The following UGGT2 variants were observed in gnomAD, a reference collection of about 807,000 sequenced individuals.
The protein encoded by UGGT2 is UDP-glucose glycoprotein glucosyltransferase 2.
UGGT2 carries 180 observed loss-of-function variants against 192.1 expected under a neutral mutation model. The observed-to-expected ratio is 0.94, with a 90% CI of 0.83 to 1.06. UGGT2 has a LOEUF of 1.06. Ranked by LOEUF, UGGT2 falls within the 50% of genes least tolerant of loss-of-function variation. UGGT2 has a pLI of 0.00. For missense variants in UGGT2, 1,849 were observed against 1,795.7 expected (o/e 1.03, Z -0.54); for synonymous variants, 580 against 591.0 (o/e 0.98, Z 0.27).
chr13:95,860,759 C>A, intron 32 of UGGT2, 29 bp downstream of exon 32: 2 of 1,322,406 alleles, frequency 1.5e-6, no homozygotes, highest in South Asian at 1.9e-5. Flanking sequence ...ATTTCTTTTT[C>A]AAAATATAAG....
At position 95,801,609 on chromosome 13, in the gene UGGT2, T is replaced by A; in HGVS notation, c.*181A>T. On this transcript the variant is annotated 3_prime_UTR_variant, in exon 39 of 39. Coordinates refer to ENST00000376747, the MANE Select transcript of UGGT2 (RefSeq NM_020121.4). ...AAATACTCAATGGTCATTTATTATATAACTTAAACTCATTCAATACATTAA... is the reference window on the plus strand; with the variant it reads ...AAATACTCAATGGTCATTTATTATAAAACTTAAACTCATTCAATACATTAA... 1.9e-6 allele frequency: 1 copy of A among 538,024 alleles called. No individual in the cohort carries two copies. Among genetic ancestry groups the A allele is most frequent in the Non-Finnish European group, 3.2e-6 (1 of 316,396 alleles). 33.3% of individuals were successfully genotyped at this position (538,024 alleles called of 1,614,324 possible).
Position 96,005,800 on chromosome 13 carries a change from C to T in UGGT2, c.661-6493G>A, listed in dbSNP as rs555737175. Among the ~76,000 whole-genome samples the T allele has an allele frequency of 1.4e-4, 22 of 152,258 alleles. No homozygotes were observed. In the East Asian group the frequency reaches 2.5e-3, roughly 17 times the overall value. On this transcript the variant is annotated intron_variant, in intron 5 of 38. Transcript: ENST00000376747. Reference sequence around the variant, plus strand: ...TCTAACAAGGGTTGAGTAAAGATAACGCTGAAATACAGGTGGGAAAGCTAT... The same window carrying T: ...TCTAACAAGGGTTGAGTAAAGATAATGCTGAAATACAGGTGGGAAAGCTAT...
chr13:95,856,489 T>C, intron 33 of UGGT2, 149 bp from the exon 34 acceptor site: 1 of 677,292 alleles, frequency 1.5e-6, no homozygotes, highest in South Asian at 2.2e-5. Context: ...ATAACATACT[T>C]ATTAATGAGA....
chr13:95,809,791 AC>A (rs1477497709), intron 38 of UGGT2, among the ~76,000 whole-genome samples: 22 of 152,108 alleles, frequency 1.4e-4, no homozygotes, highest in Admixed American at 1.3e-3. Context: ...AAATTATCAA[AC>A]CATCCTTTGC....
At chr13:95,836,767 C>T (rs901575673) in intron 37 of UGGT2, among the ~76,000 whole-genome samples, 1 of 152,146 alleles carries the variant, frequency 6.6e-6, no homozygotes. Flanking sequence ...GAATCTTGCA[C>T]CTGATTTTCT....
chr13:96,001,106 G>A (rs1282628275), intron 5 of UGGT2, among the ~76,000 whole-genome samples: 1 of 152,100 alleles, frequency 6.6e-6, no homozygotes, highest in Non-Finnish European at 1.5e-5. Context: ...TCAGGCCTCT[G>A]AGCCCAAACC....
At chr13:95,816,479 C>T (rs886116190) in intron 38 of UGGT2, among the ~76,000 whole-genome samples, 2 of 152,064 alleles carry the variant, frequency 1.3e-5, no homozygotes, top group Non-Finnish European at 2.9e-5. Flanking sequence ...TAGCCCCAAA[C>T]TGGAAATAAC....
chr13:95,992,161 T>A (rs1181458899), intron 7 of UGGT2, among the ~76,000 whole-genome samples: 1 of 151,974 alleles, frequency 6.6e-6, no homozygotes, highest in Admixed American at 6.6e-5. Flanking sequence ...AGAGCTAGAC[T>A]CCGTCTCAAA....
chr13:95,949,668 CA>C (rs1414422484), intron 12 of UGGT2, among the ~76,000 whole-genome samples: 2 of 152,132 alleles, frequency 1.3e-5, no homozygotes, highest in Non-Finnish European at 2.9e-5. Flanking sequence ...AGCCTTCTCT[CA>C]AAAACAATTC....
chr13:95,961,959 T>C (rs765563974), intron 12 of UGGT2, among the ~76,000 whole-genome samples: 1 of 151,888 alleles, frequency 6.6e-6, no homozygotes, highest in African/African-American at 2.4e-5. Context: ...TACAAACACA[T>C]GGAAATTAAA....
intron 8 of UGGT2, among the ~76,000 whole-genome samples, chr13:95,987,835 G>A (rs949793667): frequency 6.6e-6 from 1 of 151,990 alleles, no homozygotes; most frequent in African/African-American, 2.4e-5. Flanking sequence ...TACTTTGTTT[G>A]CCCCCCGCAT....
chr13:95,808,191 G>A (rs1314164517), intron 38 of UGGT2, among the ~76,000 whole-genome samples: 1 of 152,182 alleles, frequency 6.6e-6, no homozygotes, highest in Non-Finnish European at 1.5e-5. Flanking sequence ...CCAATGCAGA[G>A]AAAGGGTTCT....
chr13:95,899,894 C>T (rs374994749), intron 22 of UGGT2, among the ~76,000 whole-genome samples: 1 of 151,908 alleles, frequency 6.6e-6, no homozygotes, highest in Non-Finnish European at 1.5e-5. Context: ...TGCAGGTGAA[C>T]AGAATTCAAA....
intron 1 of UGGT2, among the ~76,000 whole-genome samples, chr13:96,048,720 A>T (rs2053394468): frequency 6.6e-6 from 1 of 152,226 alleles, no homozygotes; most frequent in Non-Finnish European, 1.5e-5. Context: ...CTACGCAAAT[A>T]AACTAGAAAA....
In UGGT2 at chr13:95,998,284, C is replaced by CT. The variant is rs1566809557; in HGVS notation, c.757+926dup. On this transcript the variant is annotated intron_variant, in intron 6 of 38. Transcript: ENST00000376747. ...TTAAAGCTAAAAATGCCTTAAATTG[C>CT]TATCGTGACTACAAGAGAGTAAATT... Among the ~76,000 whole-genome samples, 5 of 152,154 alleles carry CT rather than the reference C, an allele frequency of 3.3e-5. No homozygotes were observed. In the South Asian group the frequency reaches 1.0e-3, roughly 32 times the overall value.
intron 1 of UGGT2, among the ~76,000 whole-genome samples, chr13:96,045,811 A>G (rs766591139): frequency 6.6e-6 from 1 of 152,206 alleles, no homozygotes; most frequent in Admixed American, 6.5e-5. Context: ...GGAAAACTAC[A>G]AAACACTGCT....
chr13:95,877,999 T>TTCAC, intron 27 of UGGT2, 143 bp from the exon 28 acceptor site: 1 of 817,786 alleles, frequency 1.2e-6, no homozygotes, highest in Non-Finnish European at 1.8e-6. Flanking sequence ...CATGAGTGAA[T>TTCAC]TCATGAGTTG....
intron 29 of UGGT2, among the ~76,000 whole-genome samples, chr13:95,869,444 A>T (rs774562569): frequency 6.6e-6 from 1 of 152,154 alleles, no homozygotes; most frequent in Non-Finnish European, 1.5e-5. Flanking sequence ...CTAGTTCTAG[A>T]TCCCTCAGGA....
chr13:95,813,880 C>A (rs1884690426), intron 38 of UGGT2, among the ~76,000 whole-genome samples: 1 of 152,200 alleles, frequency 6.6e-6, no homozygotes, highest in African/African-American at 2.4e-5. Context: ...CTGGCTCCAG[C>A]ATCGGCTAAA....
Sources: allele counts gnomAD v4.1 joint callset (sites outside exome capture counted in the v4.1 genomes callset), GRCh38; gene constraint gnomAD v4.1.1; transcripts MANE v1.5; gene names NCBI Gene and HGNC (gene_info 2026-07-23, HGNC 2026-07-21).